The following SDK1 variants were observed in gnomAD, a reference collection of about 807,000 sequenced individuals.
SDK1 encodes sidekick cell adhesion molecule 1.
Under a neutral mutation model 245.5 loss-of-function variants are expected in SDK1, and 157 were observed. The ratio of observed to expected loss-of-function variants is 0.64; its 90% CI spans 0.56 to 0.73. SDK1 has a LOEUF of 0.73. Ranked by LOEUF, SDK1 falls within the 30% of genes least tolerant of loss-of-function variation. SDK1 has a pLI of 0.00. For synonymous variants in SDK1, 1,647 were observed against 1,278.5 expected (o/e 1.29, Z -6.15); for missense variants, 3,583 against 3,002.3 (o/e 1.19, Z -4.52).
chr7:4,205,835 C>T, intron 35 of SDK1, 44 bp from the exon 36 acceptor site: 1 of 1,487,486 alleles, frequency 6.7e-7, no homozygotes, highest in Non-Finnish European at 9.2e-7. Flanking sequence ...CGGGCCGGCT[C>T]TGAATGAACG....
At chr7:3,883,087 A>G (rs917169) in intron 5 of SDK1, among the ~76,000 whole-genome samples, 2 of 152,278 alleles carry the variant, frequency 1.3e-5, no homozygotes, top group Middle Eastern at 3.4e-3. Flanking sequence ...GAGGTTTTCT[A>G]CTGGTTTCTA....
chr7:3,493,360 C>CT (rs1781922337), intron 1 of SDK1, among the ~76,000 whole-genome samples: 1 of 152,204 alleles, frequency 6.6e-6, no homozygotes, highest in South Asian at 2.1e-4. Context: ...AGTTTTTAAT[C>CT]TTTAAGTCCA....
At chr7:3,939,719 C>T (rs1268499301) in intron 5 of SDK1, among the ~76,000 whole-genome samples, 1 of 152,094 alleles carries the variant, frequency 6.6e-6, no homozygotes, top group Non-Finnish European at 1.5e-5. Flanking sequence ...ATAGGTATCC[C>T]GGGAGCAGAG....
chr7:3,344,581 C>G (rs1433630730), intron 1 of SDK1, among the ~76,000 whole-genome samples: 1 of 152,110 alleles, frequency 6.6e-6, no homozygotes, highest in Non-Finnish European at 1.5e-5. Context: ...CTCTTGTTAT[C>G]ATAAATAGAA....
At chr7:3,826,632 G>T (rs971575996) in intron 5 of SDK1, among the ~76,000 whole-genome samples, 1 of 152,008 alleles carries the variant, frequency 6.6e-6, no homozygotes, top group Non-Finnish European at 1.5e-5. Flanking sequence ...CCACCTCTCC[G>T]GGCAAAGGTG....
chr7:4,033,347 A>G (rs761835081), intron 17 of SDK1, among the ~76,000 whole-genome samples: 3 of 152,156 alleles, frequency 2.0e-5, no homozygotes, highest in Non-Finnish European at 4.4e-5. Context: ...AAAATATGAA[A>G]CTGTACAAGT....
intron 1 of SDK1, among the ~76,000 whole-genome samples, chr7:3,343,244 A>G (rs1230448675): frequency 6.6e-6 from 1 of 152,178 alleles, no homozygotes; most frequent in Admixed American, 6.5e-5. Context: ...TATTTATAAT[A>G]AATACCCCTA....
chr7:3,539,929 C>A (rs1779005143), intron 1 of SDK1, among the ~76,000 whole-genome samples: 1 of 152,194 alleles, frequency 6.6e-6, no homozygotes, highest in African/African-American at 2.4e-5. Flanking sequence ...CTGTTGCCAG[C>A]TGCAGCCAGT....
intron 1 of SDK1, among the ~76,000 whole-genome samples, chr7:3,388,931 T>C (rs965852265): frequency 2.0e-5 from 3 of 152,062 alleles, no homozygotes; most frequent in Non-Finnish European, 2.9e-5. Flanking sequence ...AGTAAACAAA[T>C]GAGAGAATAC....
chr7:4,158,299 C>T, intron 30 of SDK1, 149 bp from the exon 31 acceptor site: 1 of 624,386 alleles, frequency 1.6e-6, no homozygotes, highest in Non-Finnish European at 2.8e-6. Context: ...GAACAGCCTC[C>T]TTGCTAAGCT....
chr7:3,942,967 G>A (rs1455584941), intron 5 of SDK1, among the ~76,000 whole-genome samples: 1 of 152,146 alleles, frequency 6.6e-6, no homozygotes, highest in Admixed American at 6.5e-5. Context: ...ATTGTTTTCT[G>A]GTGTGGCACA....
At position 4,132,964 on chromosome 7, in the gene SDK1, G is replaced by A. The variant is rs77999764; in HGVS notation, c.4228+541G>A. 5.3e-3 allele frequency among the ~76,000 whole-genome samples: 808 copies of A among 152,232 alleles called. 9 individuals are homozygous for A. The highest frequency in any genetic ancestry group is 0.018 in the African/African-American group (756 of 41,532). On this transcript the variant is annotated intron_variant, in intron 28 of 44. Transcript: ENST00000404826. Reference sequence around the variant, plus strand: ...TTTTAACGTGGAATTTCTTCCATTCGTTTGCGGCTCATGGCGATACCGTTT... The same window carrying A: ...TTTTAACGTGGAATTTCTTCCATTCATTTGCGGCTCATGGCGATACCGTTT...
chr7:3,319,724 T>G (rs1417140954), intron 1 of SDK1, among the ~76,000 whole-genome samples: 1 of 152,082 alleles, frequency 6.6e-6, no homozygotes, highest in Non-Finnish European at 1.5e-5. Flanking sequence ...AAGTACCTTT[T>G]TTGCCATTCC....
intron 4 of SDK1, among the ~76,000 whole-genome samples, chr7:3,729,416 A>G (rs1337616734): frequency 6.6e-6 from 1 of 152,204 alleles, no homozygotes; most frequent in Non-Finnish European, 1.5e-5. Context: ...GGAAACACTT[A>G]ACAATTTCTG....
intron 30 of SDK1, among the ~76,000 whole-genome samples, chr7:4,157,486 G>GAAGGAAAGGAAGA (rs1780836199): frequency 6.7e-6 from 1 of 148,208 alleles, no homozygotes; most frequent in Admixed American, 6.7e-5. Context: ...GGGAAGGAAG[G>GAAGGAAAGGAAGA]GAGGAAGAGG....
At chr7:3,601,839 C>A (rs1331037461) in intron 1 of SDK1, among the ~76,000 whole-genome samples, 1 of 136,284 alleles carries the variant, frequency 7.3e-6, no homozygotes, top group African/African-American at 2.8e-5. Flanking sequence ...TCCCCCACCC[C>A]ACAACAGTCC....
At chr7:4,107,161 T>TGGGGAGGGGGGGGAGGGG (rs1782985548) in intron 22 of SDK1, among the ~76,000 whole-genome samples, 1 of 6,582 alleles carries the variant, frequency 1.5e-4, no homozygotes, top group Non-Finnish European at 3.3e-4. Context: ...GTGGGGAGGG[T>TGGGGAGGGGGGGGAGGGG]GGGGCTGCAG....
chr7:3,561,486 C>T (rs780370236), intron 1 of SDK1, among the ~76,000 whole-genome samples: 1 of 152,160 alleles, frequency 6.6e-6, no homozygotes, highest in Non-Finnish European at 1.5e-5. Flanking sequence ...AGAACATAAG[C>T]TTTCTCATGA....
intron 22 of SDK1, among the ~76,000 whole-genome samples, chr7:4,082,111 G>A (rs1027656398): frequency 6.6e-6 from 1 of 152,170 alleles, no homozygotes; most frequent in Admixed American, 6.5e-5. Flanking sequence ...TACTTACCGT[G>A]GGGGTGACAG....
Sources: allele counts gnomAD v4.1 joint callset (sites outside exome capture counted in the v4.1 genomes callset), GRCh38; gene constraint gnomAD v4.1.1; transcripts MANE v1.5; gene names NCBI Gene and HGNC (gene_info 2026-07-23, HGNC 2026-07-21).